THSD7B: variants seen among roughly 807,000 people sequenced by gnomAD.
THSD7B encodes thrombospondin type-1 domain-containing protein 7B.
A neutral mutation model predicts 213.6 loss-of-function variants in THSD7B; 138 were observed. That is an observed-to-expected ratio of 0.65 (90% CI 0.56 to 0.74). The LOEUF is 0.74. Among genes scored for constraint, THSD7B ranks in the 30% least tolerant of loss-of-function variants. The pLI, the probability that THSD7B is intolerant of heterozygous loss-of-function variation, is 0.00. For synonymous variants in THSD7B, 742 were observed against 687.0 expected (o/e 1.08, Z -1.25); for missense variants, 1,931 against 1,991.5 (o/e 0.97, Z 0.58).
At chr2:136,766,729 G>A (rs2710178) in intron 1 of THSD7B, among the ~76,000 whole-genome samples, 70,134 of 152,002 alleles carry the variant, frequency 0.46, 17,298 homozygotes, top group East Asian at 0.66. Flanking sequence ...TACAGTCAAG[G>A]TGAAGTTCCA....
intron 12 of THSD7B, among the ~76,000 whole-genome samples, chr2:137,314,962 T>A (rs1355344093): frequency 6.6e-6 from 1 of 152,236 alleles, no homozygotes; most frequent in East Asian, 1.9e-4. Context: ...GTCTTTTTGT[T>A]TGTCTGTGCC....
chr2:137,343,358 T>C (rs954347946), intron 12 of THSD7B, among the ~76,000 whole-genome samples: 1 of 151,738 alleles, frequency 6.6e-6, no homozygotes, highest in South Asian at 2.1e-4. Context: ...TCAGTCTTAG[T>C]GAGTGATATG....
chr2:137,370,704 A>G (rs1685521252), intron 12 of THSD7B, among the ~76,000 whole-genome samples: 1 of 151,956 alleles, frequency 6.6e-6, no homozygotes, highest in Non-Finnish European at 1.5e-5. Flanking sequence ...CCTGACCTCA[A>G]GCGATCCACC....
chr2:137,503,809 A>G (rs548169097), intron 15 of THSD7B, among the ~76,000 whole-genome samples: 79 of 152,098 alleles, frequency 5.2e-4, no homozygotes, highest in African/African-American at 1.8e-3. Flanking sequence ...GGTGAATCAC[A>G]AGGTCAAGAG....
At position 137,427,404 on chromosome 2, in the gene THSD7B, G is replaced by A. The variant is rs568727507; in HGVS notation, c.2959+15532G>A. Reference sequence around the variant, plus strand: ...CAGCCAAGATATGAAAACAACTTATGTGTCTGTTGACAGATGAATGGATAC... The same window carrying A: ...CAGCCAAGATATGAAAACAACTTATATGTCTGTTGACAGATGAATGGATAC... On this transcript the variant is annotated intron_variant, in intron 14 of 27. Coordinates refer to ENST00000409968, the MANE Select transcript of THSD7B (RefSeq NM_001316349.2). 3.3e-5 allele frequency among the ~76,000 whole-genome samples: 5 copies of A among 152,158 alleles called. No homozygotes were observed. In the East Asian group the frequency reaches 9.6e-4, roughly 29 times the overall value.
chr2:136,871,136 G>A (rs1162344662), intron 1 of THSD7B, among the ~76,000 whole-genome samples: 1 of 152,158 alleles, frequency 6.6e-6, no homozygotes, highest in African/African-American at 2.4e-5. Flanking sequence ...GGGGAGATCC[G>A]GTCTGTGGGC....
At chr2:136,782,669 G>A (rs1005037592) in intron 1 of THSD7B, among the ~76,000 whole-genome samples, 27 of 152,080 alleles carry the variant, frequency 1.8e-4, no homozygotes, top group African/African-American at 6.5e-4. Flanking sequence ...ATTAAAGTTA[G>A]GAATAATTTT....
chr2:137,431,088 A>G (rs1687171149), intron 14 of THSD7B, among the ~76,000 whole-genome samples: 1 of 152,154 alleles, frequency 6.6e-6, no homozygotes, highest in Non-Finnish European at 1.5e-5. Flanking sequence ...CCCTCAGGAG[A>G]TTCTGAGAAC....
rs565677243 is a variant in THSD7B, at chr2:137,511,665, A to T, written c.3139-51556A>T. ...TGGGTTAGGCTTACTGGCCCCATGCAGTAAGGCTTCCATCCTCTGCCACCC... is the reference window on the plus strand; with the variant it reads ...TGGGTTAGGCTTACTGGCCCCATGCTGTAAGGCTTCCATCCTCTGCCACCC... On this transcript the variant is annotated intron_variant, in intron 15 of 27. Coordinates refer to ENST00000409968, the MANE Select transcript of THSD7B (RefSeq NM_001316349.2). Among the ~76,000 whole-genome samples the T allele has an allele frequency of 1.5e-4, 23 of 152,260 alleles. No homozygotes were observed. The East Asian group carries it at 2.9e-3, about 19-fold the overall frequency.
chr2:137,158,366 TCTCAGCCTC>T (rs1679948940), intron 5 of THSD7B, among the ~76,000 whole-genome samples: 1 of 152,152 alleles, frequency 6.6e-6, no homozygotes, highest in Non-Finnish European at 1.5e-5. Flanking sequence ...TGCCACCTCT[TCTCAGCCTC>T]CCTGGGCAAT....
intron 2 of THSD7B, among the ~76,000 whole-genome samples, chr2:136,983,747 C>G (rs901666200): frequency 6.6e-5 from 10 of 152,150 alleles, no homozygotes; most frequent in Non-Finnish European, 1.3e-4. Context: ...GAGAAATGTG[C>G]CACGTTGGAG....
chr2:137,457,170 A>T (rs1270339933), intron 15 of THSD7B, among the ~76,000 whole-genome samples: 2 of 152,172 alleles, frequency 1.3e-5, no homozygotes, highest in African/African-American at 4.8e-5. Flanking sequence ...GGCTTGTTAA[A>T]TCTTTTGAAT....
chr2:137,266,133 A>T (rs1400249872), intron 10 of THSD7B, among the ~76,000 whole-genome samples: 1 of 152,192 alleles, frequency 6.6e-6, no homozygotes, highest in African/African-American at 2.4e-5. Flanking sequence ...ATTTTTTAAA[A>T]TCTTTCTTTT....
Position 136,834,602 on chromosome 2 carries a change from C to T in THSD7B, c.-35-47542C>T, listed in dbSNP as rs78380689. Among the ~76,000 whole-genome samples, 166 of 151,832 alleles carry T rather than the reference C, an allele frequency of 1.1e-3. No homozygotes were observed. In the East Asian group the frequency reaches 0.027, roughly 25 times the overall value. On this transcript the variant is annotated intron_variant, in intron 1 of 27. Transcript: ENST00000409968. ...AGTTTTATGCTGGAAATGTCTAGGA[C>T]TAGGGGTATAGTGTTAGTATCTGTG... is the stretch of plus-strand genomic sequence containing the variant.
intron 16 of THSD7B, among the ~76,000 whole-genome samples, chr2:137,569,051 AT>A (rs1248784428): frequency 6.6e-6 from 1 of 152,192 alleles, no homozygotes; most frequent in African/African-American, 2.4e-5. Context: ...TATTCACAGG[AT>A]TTTTAAGAGT....
At chr2:137,514,281 C>T (rs1190574746) in intron 15 of THSD7B, among the ~76,000 whole-genome samples, 7 of 152,186 alleles carry the variant, frequency 4.6e-5, no homozygotes, top group East Asian at 1.9e-4. Flanking sequence ...ACCCTCAATC[C>T]GGGTGGGCAC....
intron 2 of THSD7B, among the ~76,000 whole-genome samples, chr2:137,049,253 A>C (rs1196660513): frequency 6.7e-6 from 1 of 149,248 alleles, no homozygotes; most frequent in Non-Finnish European, 1.5e-5. Context: ...TCGGCCCCAC[A>C]CACCAGCTGC....
At chr2:137,113,584 G>C (rs1361305996) in intron 4 of THSD7B, among the ~76,000 whole-genome samples, 9 of 152,186 alleles carry the variant, frequency 5.9e-5, no homozygotes, top group African/African-American at 1.7e-4. Context: ...TTACAGGCAT[G>C]TGCCACCACA....
At chr2:136,896,465 G>A (rs1413968287) in intron 2 of THSD7B, among the ~76,000 whole-genome samples, 3 of 152,134 alleles carry the variant, frequency 2.0e-5, no homozygotes, top group Non-Finnish European at 2.9e-5. Context: ...TTGGATGTGA[G>A]TTTTGCAAAT....
Sources: allele counts gnomAD v4.1 joint callset (sites outside exome capture counted in the v4.1 genomes callset), GRCh38; gene constraint gnomAD v4.1.1; transcripts MANE v1.5; gene names NCBI Gene and HGNC (gene_info 2026-07-23, HGNC 2026-07-21).